GRID1: variants seen among roughly 807,000 people sequenced by gnomAD.
GRID1 encodes the protein glutamate receptor ionotropic, delta-1.
A neutral mutation model predicts 98.0 loss-of-function variants in GRID1; 28 were observed. That is an observed-to-expected ratio of 0.29 (90% CI 0.21 to 0.39). GRID1 has a LOEUF of 0.39. Ranked by LOEUF, GRID1 falls within the 10% of genes least tolerant of loss-of-function variation. The pLI is 1.00. For missense variants in GRID1, 1,111 were observed against 1,340.5 expected, an observed-to-expected ratio of 0.83 and a Z score of 2.67; for synonymous variants, 553 against 538.5, an observed-to-expected ratio of 1.03 and a Z score of -0.37.
At chr10:85,903,817 T>C (rs1049002731) in intron 5 of GRID1, among the ~76,000 whole-genome samples, 2 of 152,192 alleles carry the variant, frequency 1.3e-5, no homozygotes, top group Non-Finnish European at 2.9e-5. Flanking sequence ...TGTTCTCTCC[T>C]TCAACTGGAA....
At chr10:85,860,621 G>A (rs1443358469) in intron 6 of GRID1, among the ~76,000 whole-genome samples, 1 of 152,168 alleles carries the variant, frequency 6.6e-6, no homozygotes, top group Non-Finnish European at 1.5e-5. Context: ...CATACAGTAC[G>A]ACTCTCACAC....
intron 8 of GRID1, among the ~76,000 whole-genome samples, chr10:85,844,885 A>G (rs1324436956): frequency 3.3e-5 from 5 of 152,084 alleles, no homozygotes; most frequent in African/African-American, 4.8e-5. Flanking sequence ...GCCTTTAAAT[A>G]AATGTAACAC....
intron 8 of GRID1, among the ~76,000 whole-genome samples, chr10:85,830,230 T>C (rs770567999): frequency 2.0e-5 from 3 of 152,142 alleles, no homozygotes; most frequent in Non-Finnish European, 2.9e-5. Flanking sequence ...ATTCAATAAA[T>C]GGTGCTGGGA....
intron 2 of GRID1, among the ~76,000 whole-genome samples, chr10:86,362,448 A>C (rs1419324955): frequency 1.3e-5 from 2 of 152,172 alleles, no homozygotes; most frequent in Non-Finnish European, 2.9e-5. Context: ...CCTGTACCTC[A>C]ACAGACATCT....
intron 2 of GRID1, among the ~76,000 whole-genome samples, chr10:86,238,659 A>T (rs1846578437): frequency 7.7e-6 from 1 of 129,748 alleles, no homozygotes; most frequent in South Asian, 2.7e-4. Context: ...ACAGAGCGAG[A>T]TTCCATCTCA....
intron 2 of GRID1, among the ~76,000 whole-genome samples, chr10:86,363,008 A>G (rs1431989019): frequency 6.6e-6 from 1 of 152,282 alleles, no homozygotes; most frequent in Non-Finnish European, 1.5e-5. Context: ...GGAGCAAGGC[A>G]GAGGGAAGGA....
chr10:86,227,462 G>A (rs1306807942), intron 2 of GRID1, among the ~76,000 whole-genome samples: 2 of 152,154 alleles, frequency 1.3e-5, no homozygotes, highest in Non-Finnish European at 2.9e-5. Flanking sequence ...TGGGCTAACT[G>A]CTCACAGGAG....
intron 3 of GRID1, among the ~76,000 whole-genome samples, chr10:86,159,867 A>G (rs902344029): frequency 3.3e-5 from 5 of 152,350 alleles, no homozygotes; most frequent in African/African-American, 1.2e-4. Flanking sequence ...CGAGAATTAA[A>G]TCTACATTCA....
At chr10:86,305,888 C>T (rs932822599) in intron 2 of GRID1, among the ~76,000 whole-genome samples, 3 of 152,166 alleles carry the variant, frequency 2.0e-5, no homozygotes, top group Non-Finnish European at 2.9e-5. Flanking sequence ...GAACTTGAGG[C>T]TTAAGGAGTT....
rs57386595 is a variant in GRID1, at chr10:85,617,225, GCC to G, written c.2360+2640_2360+2641del. Among the ~76,000 whole-genome samples the G allele has an allele frequency of 7.9e-3, 1,051 of 133,862 alleles. 15 individuals carry two copies. Among genetic ancestry groups the G allele is most frequent in the East Asian group, 0.052 (239 of 4,556 alleles). 87.8% of individuals were successfully genotyped at this position (133,862 alleles called of 152,430 possible). ...AGTTCTGCATGCACCATACAACAAA[GCC>G]CCCCCCCCCTTTTATTTTTTTTGAG... On this transcript the variant is annotated intron_variant, in intron 14 of 15. Transcript: ENST00000327946.
rs140939650 is a variant in GRID1, at chr10:86,044,462, C to T, written c.726+94357G>A. On this transcript the variant is annotated intron_variant, in intron 4 of 15. Transcript: ENST00000327946. ...GGACATTGCTGATCAACAGAAGATA[C>T]CCGATTTGCTTAGTAAAGAAGAATT... Among the ~76,000 whole-genome samples the T allele has an allele frequency of 2.5e-3, 386 of 152,252 alleles. 2 individuals are homozygous for T. The highest frequency in any genetic ancestry group is 3.4e-3 in the Middle Eastern group (1 of 294).
rs145473149 is a variant in GRID1, at chr10:86,089,306, C to G, written c.726+49513G>C. ...GGCTTCAGTAGGGAGCCAGAACTTC[C>G]ACATCTTCCCAGCAGCAACACAGAA... is the stretch of plus-strand genomic sequence containing the variant. On this transcript the variant is annotated intron_variant, in intron 4 of 15. Coordinates refer to ENST00000327946, the MANE Select transcript of GRID1 (RefSeq NM_017551.3). 3.4e-3 allele frequency among the ~76,000 whole-genome samples: 515 copies of G among 152,246 alleles called. 1 individual carries two copies. The highest frequency in any genetic ancestry group is 4.8e-3 in the Non-Finnish European group (326 of 68,014).
At chr10:85,866,613 A>G (rs1198875145) in intron 6 of GRID1, among the ~76,000 whole-genome samples, 1 of 152,162 alleles carries the variant, frequency 6.6e-6, no homozygotes, top group African/African-American at 2.4e-5. Context: ...GGATTTTCAT[A>G]TTAGAGATAC....
intron 2 of GRID1, among the ~76,000 whole-genome samples, chr10:86,304,885 A>G (rs1266644628): frequency 6.6e-6 from 1 of 151,638 alleles, no homozygotes; most frequent in Non-Finnish European, 1.5e-5. Context: ...TCTGGGTTAG[A>G]GCAGTACTTT....
intron 12 of GRID1, among the ~76,000 whole-genome samples, chr10:85,695,932 G>A (rs1453917466): frequency 6.6e-6 from 1 of 152,074 alleles, no homozygotes; most frequent in East Asian, 1.9e-4. Flanking sequence ...TGCATAATTT[G>A]TCACCTCCCA....
intron 2 of GRID1, among the ~76,000 whole-genome samples, chr10:86,242,513 C>A (rs891272396): frequency 6.6e-6 from 1 of 152,246 alleles, no homozygotes; most frequent in African/African-American, 2.4e-5. Context: ...CAGGCATTCA[C>A]AGGCCCTGGC....
At chr10:85,771,984 T>C (rs1842274045) in intron 8 of GRID1, among the ~76,000 whole-genome samples, 1 of 152,144 alleles carries the variant, frequency 6.6e-6, no homozygotes, top group African/African-American at 2.4e-5. Flanking sequence ...AATAGACATC[T>C]ACAGAACTCT....
chr10:86,255,986 G>T (rs1846911810), intron 2 of GRID1, among the ~76,000 whole-genome samples: 2 of 152,326 alleles, frequency 1.3e-5, no homozygotes, highest in South Asian at 4.1e-4. Context: ...GAGGATCCCA[G>T]GGTCATTCGG....
At chr10:85,961,189 A>G (rs1393590613) in intron 4 of GRID1, among the ~76,000 whole-genome samples, 1 of 152,196 alleles carries the variant, frequency 6.6e-6, no homozygotes, top group Non-Finnish European at 1.5e-5. Flanking sequence ...AATGTACATG[A>G]AAGTGCTTTG....
Sources: allele counts gnomAD v4.1 joint callset (sites outside exome capture counted in the v4.1 genomes callset), GRCh38; gene constraint gnomAD v4.1.1; transcripts MANE v1.5; gene names NCBI Gene and HGNC (gene_info 2026-07-23, HGNC 2026-07-21).